CACNA1S: variants seen among roughly 807,000 people sequenced by gnomAD.
The protein encoded by CACNA1S is calcium voltage-gated channel subunit alpha1 S, also known as voltage-dependent L-type calcium channel subunit alpha-1S.
CACNA1S carries 126 observed loss-of-function variants against 207.4 expected under a neutral mutation model. The ratio of observed to expected loss-of-function variants is 0.61; its 90% CI spans 0.53 to 0.70. The LOEUF is 0.70. Ranked by LOEUF, CACNA1S falls within the 30% of genes least tolerant of loss-of-function variation. The pLI is 0.00. For missense variants in CACNA1S, 2,349 were observed against 2,422.8 expected (o/e 0.97, Z 0.64); for synonymous variants, 960 against 932.7 (o/e 1.03, Z -0.53).
chr1:201,064,568 C>A (rs370668342), intron 22 of CACNA1S, among the ~76,000 whole-genome samples: 1 of 152,206 alleles, frequency 6.6e-6, no homozygotes, highest in African/African-American at 2.4e-5. Flanking sequence ...TAAGATGATG[C>A]CATTTCATGT....
intron 5 of CACNA1S, 152 bp from the exon 6 acceptor site, chr1:201,089,615 G>C: frequency 1.3e-6 from 1 of 782,372 alleles, no homozygotes. Flanking sequence ...TGGAGCAGAC[G>C]GTGACAGTGA....
At chr1:201,094,833 A>G (rs1662358777) in intron 2 of CACNA1S, among the ~76,000 whole-genome samples, 1 of 151,454 alleles carries the variant, frequency 6.6e-6, no homozygotes, top group Non-Finnish European at 1.5e-5. Context: ...CCCGGCCGAC[A>G]CTCCAGGACC....
chr1:201,079,927 G>A (rs1044848364), intron 10 of CACNA1S, among the ~76,000 whole-genome samples: 5 of 152,100 alleles, frequency 3.3e-5, no homozygotes, highest in East Asian at 1.9e-4. Context: ...CTTTGGAATC[G>A]CAACCAACCC....
In CACNA1S at chr1:201,091,718, TAAAG is replaced by T. The variant is rs1662240266; in HGVS notation, c.612_615del (p.Phe205TrpfsTer128). 6.2e-7 allele frequency: 1 copy of T among 1,614,042 alleles called. No individual in the cohort carries two copies. Among genetic ancestry groups the T allele is most frequent in the Non-Finnish European group, 8.5e-7 (1 of 1,179,940 alleles). On this transcript the variant is annotated frameshift_variant, in exon 5 of 44. Coordinates refer to ENST00000362061, the MANE Select transcript of CACNA1S (RefSeq NM_000069.3). LOFTEE classifies it high-confidence loss of function. ...CCGATGATGGCATAGATGATGACCA[TAAAG>T]AGGACCAGCAGGGCGATGTGAAAGA...
At chr1:201,064,942 T>C (rs1661188959) in intron 22 of CACNA1S, among the ~76,000 whole-genome samples, 1 of 152,208 alleles carries the variant, frequency 6.6e-6, no homozygotes, top group Non-Finnish European at 1.5e-5. Flanking sequence ...CCAGCTGCAC[T>C]GACGGAGGCG....
intron 32 of CACNA1S, among the ~76,000 whole-genome samples, 199 bp downstream of exon 32, chr1:201,052,358 T>A (rs759027813): frequency 6.6e-6 from 1 of 152,172 alleles, no homozygotes; most frequent in Non-Finnish European, 1.5e-5. Context: ...GTGGGACCAC[T>A]TGTTCAAAAT....
At chr1:201,075,346 G>T in intron 13 of CACNA1S, 149 bp downstream of exon 13, 2 of 832,962 alleles carry the variant, frequency 2.4e-6, no homozygotes, top group Non-Finnish European at 3.9e-6. Flanking sequence ...CATTTGCTAT[G>T]TCCTACCCCC....
At chr1:201,045,945 T>C (rs958075088) in intron 38 of CACNA1S, among the ~76,000 whole-genome samples, 2 of 151,962 alleles carry the variant, frequency 1.3e-5, no homozygotes, top group African/African-American at 2.4e-5. Flanking sequence ...AAAAAAAGGT[T>C]TTATATTATA....
At chr1:201,100,181 C>A (rs1177568134) in intron 2 of CACNA1S, among the ~76,000 whole-genome samples, 1 of 152,224 alleles carries the variant, frequency 6.6e-6, no homozygotes, top group Non-Finnish European at 1.5e-5. Context: ...AAAAATAAGT[C>A]ATTTCTTGCA....
intron 13 of CACNA1S, among the ~76,000 whole-genome samples, chr1:201,074,927 C>T (rs1007802174): frequency 6.6e-6 from 1 of 152,242 alleles, no homozygotes; most frequent in African/African-American, 2.4e-5. Flanking sequence ...GCGAGGCACA[C>T]ATGAGTTGGG....
Position 201,053,469 on chromosome 1 carries a change from TTGA to T in CACNA1S, c.3782_3784del (p.Ile1261del). On this transcript the variant is annotated inframe_deletion, in exon 30 of 44. Coordinates refer to ENST00000362061, the MANE Select transcript of CACNA1S (RefSeq NM_000069.3). This position sits in a 1 kb window ranked among gnomAD's most constrained non-coding sequence, Gnocchi z 5.1. ...GGGTCCCTGTTGCACCTGGAAGGACTTGATGAACGTCCACAGGAGGGTTCGCAC... is the reference window on the plus strand; with the variant it reads ...GGGTCCCTGTTGCACCTGGAAGGACTTGAACGTCCACAGGAGGGTTCGCAC... 2 of 1,614,162 alleles carry T rather than the reference TTGA, an allele frequency of 1.2e-6. No homozygotes were observed. The highest frequency in any genetic ancestry group is 1.1e-5 in the South Asian group (1 of 91,080).
chr1:201,056,980 G>C (rs756433539), intron 28 of CACNA1S, among the ~76,000 whole-genome samples: 1 of 152,026 alleles, frequency 6.6e-6, no homozygotes, highest in Non-Finnish European at 1.5e-5. Flanking sequence ...CTCTCACCTG[G>C]ATCACTGCGG....
chr1:201,099,741 A>C (rs893183742), intron 2 of CACNA1S, among the ~76,000 whole-genome samples: 2 of 152,178 alleles, frequency 1.3e-5, no homozygotes, highest in Non-Finnish European at 2.9e-5. Flanking sequence ...ATTAGAAGAC[A>C]GTTTTACAAT....
chr1:201,060,080 T>C (rs1660987425), intron 26 of CACNA1S, among the ~76,000 whole-genome samples: 1 of 152,206 alleles, frequency 6.6e-6, no homozygotes, highest in Admixed American at 6.5e-5. Context: ...GTGATTGTCT[T>C]TCCATATCAC....
At chr1:201,050,045 C>A (rs980478819) in intron 34 of CACNA1S, among the ~76,000 whole-genome samples, 1 of 152,140 alleles carries the variant, frequency 6.6e-6, no homozygotes, top group African/African-American at 2.4e-5. Flanking sequence ...GAGGGGCCTG[C>A]GACTCTGCAT....
At chr1:201,042,124 G>T (rs1660257050) in intron 40 of CACNA1S, among the ~76,000 whole-genome samples, 1 of 152,106 alleles carries the variant, frequency 6.6e-6, no homozygotes, top group Non-Finnish European at 1.5e-5. Context: ...GGTGTTTTTT[G>T]TTTATTTGTT....
intron 8 of CACNA1S, 91 bp downstream of exon 8, chr1:201,085,345 G>T: frequency 1.3e-6 from 2 of 1,540,402 alleles, no homozygotes; most frequent in African/African-American, 1.4e-5. Context: ...ACTAATGTTG[G>T]ACTTGCTCAG....
intron 2 of CACNA1S, among the ~76,000 whole-genome samples, chr1:201,100,981 T>C (rs1662633912): frequency 6.6e-6 from 1 of 152,210 alleles, no homozygotes; most frequent in South Asian, 2.1e-4. Context: ...CTCTTTAGCC[T>C]AGAAAGCGGA....
intron 16 of CACNA1S, 78 bp from the exon 17 acceptor site, chr1:201,070,482 C>G (rs1179477449): frequency 1.3e-6 from 2 of 1,590,604 alleles, no homozygotes; most frequent in Non-Finnish European, 1.7e-6. Context: ...CAGAGCCCTC[C>G]TAGGAGCCCC....
Sources: allele counts gnomAD v4.1 joint callset (sites outside exome capture counted in the v4.1 genomes callset), GRCh38; gene constraint gnomAD v4.1.1; non-coding constraint Gnocchi (gnomAD v3.1); transcripts MANE v1.5; gene names NCBI Gene and HGNC (gene_info 2026-07-23, HGNC 2026-07-21).